ACYP2: variants seen among roughly 807,000 people sequenced by gnomAD.
The protein encoded by ACYP2 is acylphosphatase 2.
In ACYP2, 12 loss-of-function variants were observed where a neutral mutation model predicts 11.2. The observed-to-expected ratio is 1.08, with a 90% CI of 0.69 to 1.74. The LOEUF is 1.74. Ranked by LOEUF, ACYP2 falls within the 40% of genes most tolerant of loss-of-function variation. ACYP2 has a pLI of 0.00. For synonymous variants in ACYP2, 43 were observed against 32.2 expected, an observed-to-expected ratio of 1.33 and a Z score of -1.13; for missense variants, 134 against 101.9, an observed-to-expected ratio of 1.31 and a Z score of -1.35.
intron 4 of ACYP2, chr2:54,082,633 CA>C (rs1677728298): frequency 6.6e-6 from 1 of 152,232 alleles, no homozygotes; most frequent in Non-Finnish European, 1.5e-5. Flanking sequence ...TCTGCATTGT[CA>C]TGGTTTCACA....
At chr2:54,097,497 A>G (rs1678653763) in intron 4 of ACYP2, among the ~76,000 whole-genome samples, 2 of 152,254 alleles carry the variant, frequency 1.3e-5, no homozygotes, top group African/African-American at 4.8e-5. Flanking sequence ...AAATGACAAT[A>G]ACAACACAAC....
intron 3 of ACYP2, among the ~76,000 whole-genome samples, chr2:54,056,931 T>C (rs867900772): frequency 6.6e-6 from 1 of 152,222 alleles, no homozygotes; most frequent in Non-Finnish European, 1.5e-5. Context: ...TTATTCATTA[T>C]ATATGTTTAA....
chr2:53,974,984 A>G (rs189073605), intron 2 of ACYP2, among the ~76,000 whole-genome samples: 1 of 152,252 alleles, frequency 6.6e-6, no homozygotes, highest in African/African-American at 2.4e-5. Context: ...TGAGCAAGGG[A>G]TCTAGAAGAA....
chr2:54,102,321 C>T (rs1233852448), intron 4 of ACYP2, among the ~76,000 whole-genome samples: 1 of 152,192 alleles, frequency 6.6e-6, no homozygotes, highest in East Asian at 1.9e-4. Context: ...GACATTGTTA[C>T]AATGAGAGAC....
chr2:54,039,152 A>G (rs1339661039), intron 2 of ACYP2, among the ~76,000 whole-genome samples: 1 of 151,166 alleles, frequency 6.6e-6, no homozygotes, highest in Non-Finnish European at 1.5e-5. Flanking sequence ...ATGGGCAGTG[A>G]GCAGAGCATG....
At chr2:54,060,967 G>GA (rs1210852168) in intron 4 of ACYP2, among the ~76,000 whole-genome samples, 11 of 151,318 alleles carry the variant, frequency 7.3e-5, no homozygotes. Flanking sequence ...TGAAATTTCA[G>GA]AAAAAAAGAG....
At chr2:54,228,346 C>T (rs1027386602) in intron 6 of ACYP2, among the ~76,000 whole-genome samples, 1 of 152,158 alleles carries the variant, frequency 6.6e-6, no homozygotes, top group African/African-American at 2.4e-5. Flanking sequence ...TTATTAAGTG[C>T]TCATTATTTA....
At chr2:54,066,091 C>G (rs1056961929) in intron 4 of ACYP2, 1 of 152,194 alleles carries the variant, frequency 6.6e-6, no homozygotes, top group African/African-American at 2.4e-5. Context: ...TCGACTCTCA[C>G]TCTGATATGG....
chr2:54,222,143 C>T (rs994729662), intron 6 of ACYP2, among the ~76,000 whole-genome samples: 3 of 152,148 alleles, frequency 2.0e-5, no homozygotes, highest in African/African-American at 7.2e-5. Flanking sequence ...TAGTTTAAGC[C>T]TCACAGCTAG....
intron 6 of ACYP2, among the ~76,000 whole-genome samples, chr2:54,168,063 T>G (rs1040657736): frequency 1.2e-4 from 19 of 152,156 alleles, no homozygotes; most frequent in Admixed American, 1.0e-3. Context: ...TGATGTACAT[T>G]TCTCAAAACT....
At chr2:53,973,855 ATGTGTG>A (rs573137716) in intron 2 of ACYP2, 20,996 of 123,426 alleles carry the variant, frequency 0.17, 2,611 homozygotes, top group Admixed American at 0.2. Context: ...GGATATATAT[ATGTGTG>A]TGTGTGTGTG....
At chr2:54,077,264 T>C (rs961015975) in intron 4 of ACYP2, among the ~76,000 whole-genome samples, 4 of 152,224 alleles carry the variant, frequency 2.6e-5, no homozygotes, top group African/African-American at 7.2e-5. Context: ...TAAGTTCTCA[T>C]AGTTGGAGCA....
chr2:54,266,810 C>T (rs946520848), intron 6 of ACYP2, among the ~76,000 whole-genome samples: 5 of 151,482 alleles, frequency 3.3e-5, no homozygotes, highest in Non-Finnish European at 5.9e-5. Flanking sequence ...GGGGTTTCAC[C>T]GTGTTAGCCA....
intron 2 of ACYP2, among the ~76,000 whole-genome samples, chr2:53,984,680 T>C (rs892738942): frequency 1.3e-5 from 2 of 151,122 alleles, no homozygotes; most frequent in Non-Finnish European, 2.9e-5. Flanking sequence ...ATAAAATACA[T>C]TGGGACCAAG....
At chr2:54,048,319 A>C (rs767551927) in intron 2 of ACYP2, among the ~76,000 whole-genome samples, 1 of 152,112 alleles carries the variant, frequency 6.6e-6, no homozygotes, top group East Asian at 1.9e-4. Context: ...CCAGTTGCTC[A>C]GGAAGCTGAG....
intron 6 of ACYP2, among the ~76,000 whole-genome samples, chr2:54,226,112 C>T (rs1366960035): frequency 6.6e-6 from 1 of 152,172 alleles, no homozygotes; most frequent in Non-Finnish European, 1.5e-5. Flanking sequence ...TAATTGTTCA[C>T]CTTTACTGCA....
intron 6 of ACYP2, among the ~76,000 whole-genome samples, chr2:54,188,324 A>G (rs551577322): frequency 6.6e-6 from 1 of 152,324 alleles, no homozygotes; most frequent in Non-Finnish European, 1.5e-5. Context: ...AATTTAGGAT[A>G]CATACACAGA....
chr2:54,255,974 C>T (rs1275724575), intron 6 of ACYP2: 5 of 1,614,096 alleles, frequency 3.1e-6, no homozygotes, highest in Non-Finnish European at 3.4e-6. Context: ...TCCTGGGGCG[C>T]GACCCCCTCC....
At chr2:54,283,853 G>A (rs1235430209) in intron 6 of ACYP2, among the ~76,000 whole-genome samples, 11 of 152,200 alleles carry the variant, frequency 7.2e-5, no homozygotes, top group East Asian at 1.9e-4. Flanking sequence ...ACTGGCTCAC[G>A]CCTGTAATCC....
Sources: gnomAD v4.1 joint callset for allele counts (sites outside exome capture counted in the v4.1 genomes callset) on GRCh38, gnomAD v4.1.1 for gene constraint, MANE v1.5 for transcripts, NCBI Gene and HGNC (gene_info 2026-07-23, HGNC 2026-07-21) for gene names.